The following LMLN variants were observed in gnomAD, a reference collection of about 807,000 sequenced individuals.
The protein encoded by LMLN is leishmanolysin like peptidase.
Under a neutral mutation model 92.3 loss-of-function variants are expected in LMLN, and 70 were observed. The observed-to-expected ratio is 0.76, with a 90% CI of 0.63 to 0.92. LMLN has a LOEUF of 0.92. LMLN is among the 40% of genes least tolerant of loss of function. LMLN has a pLI of 0.00. For synonymous variants in LMLN, 308 were observed against 296.2 expected (o/e 1.04, Z -0.41); for missense variants, 691 against 814.6 (o/e 0.85, Z 1.85).
intron 11 of LMLN, among the ~76,000 whole-genome samples, chr3:198,006,257 C>A (rs187111629): frequency 1.8e-4 from 28 of 152,318 alleles, no homozygotes; most frequent in Admixed American, 8.5e-4. Flanking sequence ...AATAATTTCA[C>A]TTTTCATGGC....
In LMLN at chr3:198,024,353, C is replaced by T. The variant is rs542967128; in HGVS notation, c.1526-305C>T. On this transcript the variant is annotated intron_variant, in intron 13 of 15. Coordinates refer to ENST00000330198, the Ensembl canonical transcript of LMLN. Reference sequence around the variant, plus strand: ...GCCTCAGCCTCCCGAGTAGCTGGGACTACAGGCGCCCGCCACCGCGCCCGG... The same window carrying T: ...GCCTCAGCCTCCCGAGTAGCTGGGATTACAGGCGCCCGCCACCGCGCCCGG... Among the ~76,000 whole-genome samples, 261 of 151,606 alleles carry T rather than the reference C, an allele frequency of 1.7e-3. 1 individual carries two copies. Among genetic ancestry groups the T allele is most frequent in the African/African-American group, 5.6e-3 (232 of 41,354 alleles).
chr3:197,976,806 G>C (rs1405041424), intron 5 of LMLN, 91 bp downstream of exon 5: 1 of 552,308 alleles, frequency 1.8e-6, no homozygotes, highest in Non-Finnish European at 3.2e-6. Flanking sequence ...CAAGTTCAAA[G>C]GCTTAGTAGC....
intron 4 of LMLN, 37 bp downstream of exon 4, chr3:197,976,148 G>GT (rs1553816492): frequency 8.0e-7 from 1 of 1,248,166 alleles, no homozygotes; most frequent in Non-Finnish European, 1.2e-6. Flanking sequence ...TTCTTCAGCC[G>GT]TTTAGTACTC....
chr3:198,001,007 A>G (rs1014309975), intron 11 of LMLN, among the ~76,000 whole-genome samples: 2 of 152,116 alleles, frequency 1.3e-5, no homozygotes, highest in Admixed American at 6.5e-5. Context: ...ACTCACTAAT[A>G]CTCAGAAACT....
chr3:197,971,119 A>G (rs149731998), intron 1 of LMLN, among the ~76,000 whole-genome samples: 258 of 152,250 alleles, frequency 1.7e-3, no homozygotes, highest in African/African-American at 5.8e-3. Context: ...CAGAAAGTCA[A>G]TGCCATTCGT....
chr3:197,977,391 T>TA (rs1190650892), intron 5 of LMLN, among the ~76,000 whole-genome samples: 17 of 152,060 alleles, frequency 1.1e-4, no homozygotes, highest in African/African-American at 3.9e-4. Flanking sequence ...TGGGTACATA[T>TA]AAAATCATCA....
chr3:197,980,391 C>T (rs752809682), exon 6 of LMLN: 3 of 1,614,072 alleles, frequency 1.9e-6, no homozygotes, highest in East Asian at 2.2e-5. Flanking sequence ...ACCAAGAAGG[C>T]ATCTCAGATG....
intron 12 of LMLN, among the ~76,000 whole-genome samples, chr3:198,020,829 G>A (rs909145255): frequency 2.5e-5 from 3 of 119,884 alleles, no homozygotes; most frequent in African/African-American, 1.0e-4. Context: ...CTATATGTTG[G>A]CCGGGCTGGT....
At position 198,025,405 on chromosome 3, in the gene LMLN, G is replaced by T. The variant is rs1484814181; in HGVS notation, c.1656+617G>T. Among the ~76,000 whole-genome samples, 4 of 151,928 alleles carry T rather than the reference G, an allele frequency of 2.6e-5. No individual in the cohort carries two copies. The highest frequency in any genetic ancestry group is 3.9e-4 in the East Asian group (2 of 5,186). On this transcript the variant is annotated intron_variant, in intron 14 of 15. Coordinates refer to ENST00000330198, the Ensembl canonical transcript of LMLN. The surrounding 1 kb of genome is among the most constrained non-coding windows in gnomAD (Gnocchi z 4.3). ...TTTCTTTTTTTTGAGACAAGGTCTTGCTCTGTCAGCTAGGCTGGAGTGCTG... is the reference window on the plus strand; with the variant it reads ...TTTCTTTTTTTTGAGACAAGGTCTTTCTCTGTCAGCTAGGCTGGAGTGCTG...
chr3:198,029,376 C>G (rs1484862166), intron 14 of LMLN, among the ~76,000 whole-genome samples: 2 of 152,146 alleles, frequency 1.3e-5, no homozygotes, highest in African/African-American at 4.8e-5. Context: ...TTGTCTGCTT[C>G]CAAAAAACTA....
At position 197,975,068 on chromosome 3, in the gene LMLN, TA is replaced by T; in HGVS notation, c.347del (p.Lys116ArgfsTer12). 1.4e-6 allele frequency: 2 copies of T among 1,467,844 alleles called. No homozygotes were observed. Among genetic ancestry groups the T allele is most frequent in the Non-Finnish European group, 1.9e-6 (2 of 1,055,022 alleles). 90.9% of individuals were successfully genotyped at this position (1,467,844 alleles called of 1,614,324 possible). A position where few individuals can be genotyped will look rare whatever the true frequency, so the allele number is the denominator to read the frequency against. On this transcript the variant is annotated frameshift_variant, in exon 3 of 16. Coordinates refer to ENST00000330198, the Ensembl canonical transcript of LMLN. LOFTEE classifies it high-confidence loss of function. ...TTGCTCCCTGAGAAAAAGAATCTTG[TA>T]AAGGTATGTAATAAATACTCATAAC...
At chr3:197,972,295 C>T (rs1721251978) in intron 1 of LMLN, among the ~76,000 whole-genome samples, 1 of 152,034 alleles carries the variant, frequency 6.6e-6, no homozygotes, top group Admixed American at 6.6e-5. Flanking sequence ...AACTCCTGAC[C>T]TCAAGTGATC....
intron 11 of LMLN, chr3:197,999,659 C>G (rs1321215828): frequency 4.1e-6 from 1 of 246,012 alleles, no homozygotes; most frequent in Non-Finnish European, 7.9e-6. Flanking sequence ...TCCTGCGTGG[C>G]TGGGACTACA....
At chr3:198,036,720 C>T (rs967301988) in intron 15 of LMLN, among the ~76,000 whole-genome samples, 1 of 152,124 alleles carries the variant, frequency 6.6e-6, no homozygotes, top group African/African-American at 2.4e-5. Context: ...TGACGGTGTT[C>T]AAACTGAGGC....
At chr3:198,006,529 A>G (rs559522896) in intron 11 of LMLN, among the ~76,000 whole-genome samples, 1 of 152,306 alleles carries the variant, frequency 6.6e-6, no homozygotes, top group South Asian at 2.1e-4. Context: ...TGTAAGTGAT[A>G]TAGTTTCTCC....
chr3:198,037,620 T>C (rs1420216060), intron 15 of LMLN, among the ~76,000 whole-genome samples: 9 of 152,144 alleles, frequency 5.9e-5, no homozygotes, highest in Admixed American at 2.0e-4. Flanking sequence ...GCCTGGGCAA[T>C]AGAATGAGAC....
chr3:197,985,026 A>G (rs1721664376), intron 7 of LMLN, among the ~76,000 whole-genome samples: 1 of 152,196 alleles, frequency 6.6e-6, no homozygotes, highest in African/African-American at 2.4e-5. Context: ...ATAGGGAGAA[A>G]GTAGTAATGA....
chr3:198,016,464 C>T (rs1722645078), intron 11 of LMLN, among the ~76,000 whole-genome samples: 1 of 152,192 alleles, frequency 6.6e-6, no homozygotes, highest in Admixed American at 6.5e-5. Context: ...GAAAAACTCT[C>T]CATACCCCAG....
At position 197,990,677 on chromosome 3, in the gene LMLN, G is replaced by T. The variant is rs760579652; in HGVS notation, c.1047+1G>T. 36 of 1,428,764 alleles carry T rather than the reference G, an allele frequency of 2.5e-5. No individual in the cohort carries two copies. The highest frequency in any genetic ancestry group is 3.5e-5 in the Non-Finnish European group (35 of 1,012,066). The allele number at this position is 1,428,764 out of a possible 1,614,324, so 88.5% of individuals were successfully genotyped here. On this transcript the variant is annotated splice_donor_variant, in intron 9 of 15. Coordinates refer to ENST00000330198, the Ensembl canonical transcript of LMLN. LOFTEE classifies it high-confidence loss of function. ...TCTCCTGGTAACGCCTCGTGTTGTTGTAAGTATTATCAGACTTCATGTCTC... is the reference window on the plus strand; with the variant it reads ...TCTCCTGGTAACGCCTCGTGTTGTTTTAAGTATTATCAGACTTCATGTCTC...
Sources: gnomAD v4.1 joint callset for allele counts (sites outside exome capture counted in the v4.1 genomes callset) on GRCh38, gnomAD v4.1.1 for gene constraint, Gnocchi (gnomAD v3.1) non-coding constraint, MANE v1.5 for transcripts, NCBI Gene and HGNC (gene_info 2026-07-23, HGNC 2026-07-21) for gene names.